BLTP1: variants seen among roughly 807,000 people sequenced by gnomAD.
The protein encoded by BLTP1 is fragile site-associated protein.
the BLTP1 span, among the ~76,000 whole-genome samples, chr4:122,156,686 GT>G: frequency 6.6e-6 from 1 of 152,184 alleles, no homozygotes; most frequent in Non-Finnish European, 1.5e-5. Flanking sequence ...TTGAGAGAAG[GT>G]TTTTGTTTTT....
At chr4:122,330,309 T>C in the BLTP1 span, among the ~76,000 whole-genome samples, 5 of 151,848 alleles carry the variant, frequency 3.3e-5, no homozygotes, top group African/African-American at 1.2e-4. Context: ...CCATACTATT[T>C]TCCCTAGCAG....
the BLTP1 span, chr4:122,235,478 C>G: frequency 1.0e-6 from 1 of 980,560 alleles, no homozygotes; most frequent in Non-Finnish European, 1.2e-6. Flanking sequence ...TAAAATTAAA[C>G]ATGTCAAGAA....
chr4:122,207,959 C>A, the BLTP1 span: 3 of 983,012 alleles, frequency 3.1e-6, no homozygotes, highest in Non-Finnish European at 3.6e-6. Flanking sequence ...TTTATACTTC[C>A]CTTTATTTGA....
chr4:122,333,929 A>G, the BLTP1 span: 1 of 1,221,572 alleles, frequency 8.2e-7, no homozygotes, highest in Non-Finnish European at 1.1e-6. Context: ...TTCTTTGTCT[A>G]ATATAGCCAT....
At chr4:122,327,860 T>C in the BLTP1 span, 2 of 214,016 alleles carry the variant, frequency 9.3e-6, no homozygotes, top group African/African-American at 2.3e-5. Context: ...TACAGTAATA[T>C]ATGTTTATAT....
the BLTP1 span, chr4:122,242,998 G>T: frequency 6.4e-7 from 1 of 1,563,788 alleles, no homozygotes; most frequent in Non-Finnish European, 8.8e-7. Flanking sequence ...TATATTCTAG[G>T]TTATCAAGCA....
the BLTP1 span, chr4:122,193,791 T>C: frequency 3.7e-6 from 1 of 272,070 alleles, no homozygotes; most frequent in African/African-American, 2.3e-5. Flanking sequence ...ACTTGATGTA[T>C]TGACTTTTTA....
the BLTP1 span, chr4:122,220,215 TTC>T: frequency 9.3e-7 from 1 of 1,071,958 alleles, no homozygotes; most frequent in Non-Finnish European, 1.3e-6. Context: ...TAATCATAGT[TTC>T]TCTGTTTTTG....
the BLTP1 span, chr4:122,344,632 G>C: frequency 1.6e-6 from 2 of 1,255,994 alleles, no homozygotes; most frequent in Middle Eastern, 2.3e-4. Context: ...TGTTTTAATA[G>C]TGTTTAAATA....
At chr4:122,336,709 G>A in the BLTP1 span, 2 of 914,624 alleles carry the variant, frequency 2.2e-6, no homozygotes, top group Non-Finnish European at 2.6e-6. Context: ...TGAGTTTGGG[G>A]GAATGAGCAA....
the BLTP1 span, chr4:122,188,248 A>ATCCATTTATCCTAT: frequency 1.5e-6 from 1 of 664,370 alleles, no homozygotes; most frequent in Non-Finnish European, 1.9e-6. Context: ...TTTATAGGAT[A>ATCCATTTATCCTAT]AATGGATATG....
chr4:122,333,931 T>C, the BLTP1 span: 29 of 1,214,858 alleles, frequency 2.4e-5, no homozygotes, highest in South Asian at 1.1e-4. Flanking sequence ...CTTTGTCTAA[T>C]ATAGCCATAT....
chr4:122,263,010 A>T, the BLTP1 span: 9 of 1,603,920 alleles, frequency 5.6e-6, no homozygotes, highest in Non-Finnish European at 7.7e-6. Flanking sequence ...TGATAATTAC[A>T]TGTTTATATT....
chr4:122,291,338 A>G, the BLTP1 span, among the ~76,000 whole-genome samples: 2 of 152,248 alleles, frequency 1.3e-5, no homozygotes, highest in African/African-American at 4.8e-5. Context: ...TGTCAAGACC[A>G]AGGAACATAA....
chr4:122,268,741 A>T, the BLTP1 span, among the ~76,000 whole-genome samples: 1 of 151,990 alleles, frequency 6.6e-6, no homozygotes, highest in Non-Finnish European at 1.5e-5. Context: ...TGTTATGGGG[A>T]TTTATTACAG....
chr4:122,214,455 C>T, the BLTP1 span: 2 of 957,486 alleles, frequency 2.1e-6, no homozygotes, highest in Non-Finnish European at 2.5e-6. Context: ...GCTTACATGC[C>T]ATCTATTATA....
At chr4:122,196,096 T>C in the BLTP1 span, among the ~76,000 whole-genome samples, 1 of 152,216 alleles carries the variant, frequency 6.6e-6, no homozygotes, top group Admixed American at 6.5e-5. Context: ...AATCTATTGC[T>C]CTTTAGCCTT....
the BLTP1 span, among the ~76,000 whole-genome samples, chr4:122,230,914 G>T: frequency 2.6e-5 from 4 of 151,780 alleles, no homozygotes; most frequent in African/African-American, 9.7e-5. Context: ...AAATCATCCT[G>T]TATATACAGT....
chr4:122,325,907 G>A, the BLTP1 span: 1 of 1,049,070 alleles, frequency 9.5e-7, no homozygotes, highest in Non-Finnish European at 1.3e-6. Flanking sequence ...CCTGGGGAAG[G>A]GTATTTTCAG....
Sources: gnomAD v4.1 joint callset for allele counts (sites outside exome capture counted in the v4.1 genomes callset) on GRCh38, gnomAD v4.1.1 for gene constraint, MANE v1.5 for transcripts, NCBI Gene and HGNC (gene_info 2026-07-23, HGNC 2026-07-21) for gene names.